The following FAM149A variants were observed in gnomAD, a reference collection of about 807,000 sequenced individuals.
FAM149A encodes the protein family with sequence similarity 149 member A, also known as protein FAM149A.
In FAM149A, 71 loss-of-function variants were observed where a neutral mutation model predicts 78.2. The observed-to-expected ratio is 0.91, with a 90% CI of 0.75 to 1.11. The LOEUF is 1.11. Ranked by LOEUF, FAM149A falls within the 50% of genes least tolerant of loss-of-function variation. The probability of loss-of-function intolerance (pLI) is 0.00; values close to 1 mark genes in which losing one functional copy is unlikely to be tolerated. For synonymous variants in FAM149A, 446 were observed against 410.5 expected (o/e 1.09, Z -1.04); for missense variants, 1,036 against 971.0 (o/e 1.07, Z -0.89).
At chr4:186,124,884 T>C (rs1005210020) in intron 1 of FAM149A, among the ~76,000 whole-genome samples, 1 of 152,090 alleles carries the variant, frequency 6.6e-6, no homozygotes, top group African/African-American at 2.4e-5. Flanking sequence ...CCACCAACAG[T>C]GTAAAAGTGT....
chr4:186,136,730 G>A lies in FAM149A; in HGVS notation c.567-12443G>A, dbSNP rs34674734. Among the ~76,000 whole-genome samples, 921 of 152,182 alleles carry A rather than the reference G, an allele frequency of 6.1e-3. 9 individuals carry two copies. Among genetic ancestry groups the A allele is most frequent in the African/African-American group, 0.018 (752 of 41,536 alleles). On this transcript the variant is annotated intron_variant, in intron 1 of 13. Transcript: ENST00000389354. ...CTGTGCCATGTATAGGAGCTTTAGC[G>A]TCTCTGTATGATTTGTAGGGAGCTG...
At chr4:186,146,593 C>T (rs950337417) in intron 1 of FAM149A, 4 of 856,160 alleles carry the variant, frequency 4.7e-6, no homozygotes, top group East Asian at 1.2e-4. Context: ...AACTCGCATG[C>T]GTCCCATTTT....
At chr4:186,149,879 G>A (rs747909269) in intron 3 of FAM149A, among the ~76,000 whole-genome samples, 175 bp downstream of exon 3, 1 of 152,096 alleles carries the variant, frequency 6.6e-6, no homozygotes, top group Non-Finnish European at 1.5e-5. Context: ...ATCACGAACC[G>A]TGGAGGAAAA....
At chr4:186,132,619 A>C (rs1278198789) in intron 1 of FAM149A, among the ~76,000 whole-genome samples, 1 of 152,148 alleles carries the variant, frequency 6.6e-6, no homozygotes, top group African/African-American at 2.4e-5. Context: ...AGGGGATAGG[A>C]GGGTATGGTC....
Position 186,151,974 on chromosome 4 carries a change from G to C in FAM149A, c.861G>C (p.Gly287=). ...AGGTGGAGGAAATGTTATTTGAAGG[G>C]AAAGTGAACCCTCAGACCCAGAGTC... The change falls in exon 4 of 14, where the codon GGG becomes GGC. Residue 287 remains glycine (G), a synonymous_variant. Coordinates refer to ENST00000389354, the MANE Select transcript of FAM149A (RefSeq NM_001367768.3). The C allele has an allele frequency of 6.2e-7, 1 of 1,614,230 alleles. No individual in the cohort carries two copies.
chr4:186,124,695 G>A (rs554274018), intron 1 of FAM149A, among the ~76,000 whole-genome samples: 4 of 152,110 alleles, frequency 2.6e-5, no homozygotes, highest in African/African-American at 9.7e-5. Flanking sequence ...CCAAGTCTTT[G>A]CTATTGTGAA....
At chr4:186,118,592 A>C (rs1377268333) in intron 1 of FAM149A, among the ~76,000 whole-genome samples, 1 of 152,248 alleles carries the variant, frequency 6.6e-6, no homozygotes, top group African/African-American at 2.4e-5. Flanking sequence ...CTTTATTAAG[A>C]TACCTTTAGA....
intron 1 of FAM149A, among the ~76,000 whole-genome samples, chr4:186,132,626 G>C (rs1021828480): frequency 1.8e-4 from 28 of 152,302 alleles, no homozygotes; most frequent in Admixed American, 1.2e-3. Flanking sequence ...AGGAGGGTAT[G>C]GTCTCACTAC....
At chr4:186,135,204 A>G (rs2099322211) in intron 1 of FAM149A, among the ~76,000 whole-genome samples, 1 of 152,222 alleles carries the variant, frequency 6.6e-6, no homozygotes, top group South Asian at 2.1e-4. Context: ...CAGACATAAG[A>G]CAGCGGGCAC....
chr4:186,167,400 C>G (rs1295903519), intron 13 of FAM149A, 138 bp downstream of exon 13: 1 of 831,224 alleles, frequency 1.2e-6, no homozygotes, highest in African/African-American at 1.7e-5. Context: ...GGCCTGTGGC[C>G]TGACCTCAGA....
intron 1 of FAM149A, chr4:186,125,380 T>C: frequency 2.1e-6 from 2 of 965,488 alleles, no homozygotes; most frequent in Non-Finnish European, 2.5e-6. Flanking sequence ...CTCTTGATGA[T>C]AGCCACTGCT....
chr4:186,160,775 C>CCACAT, intron 8 of FAM149A: 4 of 915,364 alleles, frequency 4.4e-6, no homozygotes, highest in Non-Finnish European at 5.0e-6. Context: ...CCACATCACA[C>CCACAT]CACACCACAC....
chr4:186,170,996 G>A (rs1487751017), intron 13 of FAM149A: 1 of 152,338 alleles, frequency 6.6e-6, no homozygotes, highest in Non-Finnish European at 1.5e-5. Context: ...AGGAATTTCT[G>A]AATCATTCCA....
At chr4:186,107,561 C>T (rs1020361734) in intron 1 of FAM149A, 3 of 152,252 alleles carry the variant, frequency 2.0e-5, no homozygotes, top group Non-Finnish European at 4.4e-5. Flanking sequence ...GTAGCTGGGA[C>T]TACAGGTGTG....
In FAM149A at chr4:186,174,318, T is replaced by A. The variant is rs1485666166; in HGVS notation, c.*2331T>A. ...TCATCATTTAGCTCCCACTTAGAAGTGAGAACGGATGGCATTTGTTTTTCT... is the reference window on the plus strand; with the variant it reads ...TCATCATTTAGCTCCCACTTAGAAGAGAGAACGGATGGCATTTGTTTTTCT... On this transcript the variant is annotated 3_prime_UTR_variant, in exon 14 of 14. Coordinates refer to ENST00000389354, the MANE Select transcript of FAM149A (RefSeq NM_001367768.3). Among the ~76,000 whole-genome samples, 1 of 110,576 alleles carries A rather than the reference T, an allele frequency of 9.0e-6. No individual in the cohort carries two copies. The highest frequency in any genetic ancestry group is 2.3e-5 in the Non-Finnish European group (1 of 44,100). 72.5% of individuals were successfully genotyped at this position (110,576 alleles called of 152,430 possible). A position where few individuals can be genotyped will look rare whatever the true frequency, so the allele number is the denominator to read the frequency against.
At position 186,172,073 on chromosome 4, in the gene FAM149A, A is replaced by C. The variant is rs1735583907; in HGVS notation, c.*86A>C. 2 of 1,552,250 alleles carry C rather than the reference A, an allele frequency of 1.3e-6. No individual in the cohort carries two copies. Among genetic ancestry groups the C allele is most frequent in the Non-Finnish European group, 1.7e-6 (2 of 1,152,388 alleles). On this transcript the variant is annotated 3_prime_UTR_variant, in exon 14 of 14. Coordinates refer to ENST00000389354, the MANE Select transcript of FAM149A (RefSeq NM_001367768.3). ...AAATGGAGGAACAAGTGTTATATTTATCTGTGTGTCTGACAGTGTGAGATG... is the reference window on the plus strand; with the variant it reads ...AAATGGAGGAACAAGTGTTATATTTCTCTGTGTGTCTGACAGTGTGAGATG...
intron 8 of FAM149A, chr4:186,158,803 G>A: frequency 9.9e-7 from 1 of 1,015,098 alleles, no homozygotes; most frequent in Non-Finnish European, 1.2e-6. Context: ...AGCTCCCAAT[G>A]CTCAGGCCCC....
chr4:186,158,291 G>A lies in FAM149A; in HGVS notation c.1575+572G>A, dbSNP rs567233404. ...AGGCGACCACCAGCCTCTCAGAGAGGCGTCTTGGCTAGCCCACCTCCCATT... is the reference window on the plus strand; with the variant it reads ...AGGCGACCACCAGCCTCTCAGAGAGACGTCTTGGCTAGCCCACCTCCCATT... On this transcript the variant is annotated intron_variant, in intron 8 of 13. Transcript: ENST00000389354. 7.3e-5 allele frequency: 89 copies of A among 1,222,660 alleles called. No homozygotes were observed. The African/African-American group carries it at 1.2e-3, about 16-fold the overall frequency. 75.7% of individuals were successfully genotyped at this position (1,222,660 alleles called of 1,614,324 possible).
chr4:186,121,494 A>G (rs1421840120), intron 1 of FAM149A, among the ~76,000 whole-genome samples: 2 of 152,230 alleles, frequency 1.3e-5, no homozygotes, highest in African/African-American at 4.8e-5. Flanking sequence ...ATTTTTAAAG[A>G]TGTATTAAAG....
Sources: gnomAD v4.1 joint callset for allele counts (sites outside exome capture counted in the v4.1 genomes callset) on GRCh38, gnomAD v4.1.1 for gene constraint, MANE v1.5 for transcripts, NCBI Gene and HGNC (gene_info 2026-07-23, HGNC 2026-07-21) for gene names.